The following ZNF827 variants were observed in gnomAD, a reference collection of about 807,000 sequenced individuals.
ZNF827 encodes zinc finger protein 827.
ZNF827 carries 13 observed loss-of-function variants against 102.4 expected under a neutral mutation model. That is an observed-to-expected ratio of 0.13 (90% CI 0.08 to 0.20). The LOEUF is 0.20. ZNF827 is among the 10% of genes least tolerant of loss of function. The probability of loss-of-function intolerance (pLI) is 1.00; values close to 1 mark genes in which losing one functional copy is unlikely to be tolerated. For missense variants in ZNF827, 1,103 were observed against 1,344.4 expected (o/e 0.82, Z 2.81); for synonymous variants, 523 against 536.2 (o/e 0.98, Z 0.34).
intron 5 of ZNF827, among the ~76,000 whole-genome samples, chr4:145,862,535 T>C (rs1202974906): frequency 1.3e-5 from 2 of 152,180 alleles, no homozygotes; most frequent in African/African-American, 2.4e-5. Context: ...TATATATATA[T>C]ATAAAATTGC....
chr4:145,808,307 ACTCC>A (rs1741685589), intron 8 of ZNF827, among the ~76,000 whole-genome samples: 1 of 151,704 alleles, frequency 6.6e-6, no homozygotes, highest in Admixed American at 6.6e-5. Context: ...AGGCTATCCC[ACTCC>A]CTCATTATCC....
At chr4:145,935,044 C>T (rs1754061036) in intron 1 of ZNF827, among the ~76,000 whole-genome samples, 1 of 152,156 alleles carries the variant, frequency 6.6e-6, no homozygotes, top group Non-Finnish European at 1.5e-5. Context: ...CCCTCTCATT[C>T]CTTCAAGATC....
intron 8 of ZNF827, among the ~76,000 whole-genome samples, chr4:145,800,223 T>C (rs1292185683): frequency 2.0e-5 from 3 of 152,224 alleles, no homozygotes; most frequent in Non-Finnish European, 2.9e-5. Flanking sequence ...GTTGTCCAGT[T>C]GTCTTTTATA....
chr4:145,817,730 T>C (rs962386162), intron 8 of ZNF827, among the ~76,000 whole-genome samples: 1 of 152,228 alleles, frequency 6.6e-6, no homozygotes, highest in African/African-American at 2.4e-5. Context: ...ACAGGGGATG[T>C]GCAAGGAGCT....
chr4:145,851,787 G>A (rs1012355761), intron 5 of ZNF827, among the ~76,000 whole-genome samples: 7 of 152,182 alleles, frequency 4.6e-5, no homozygotes, highest in Admixed American at 3.3e-4. Context: ...AGTCAGTCAT[G>A]ATAAAAAAAT....
rs1469263687 is a variant in ZNF827, at chr4:145,769,920, C to T, written c.2861-4182G>A. ...TCATCTTGCTTCCTCAATACAGACA[C>T]TGTTACATTTTAGAGTACTTTTCAT... is the stretch of plus-strand genomic sequence containing the variant. On this transcript the variant is annotated intron_variant, in intron 11 of 14. Transcript: ENST00000508784. Among the ~76,000 whole-genome samples, 5 of 152,204 alleles carry T rather than the reference C, an allele frequency of 3.3e-5. No homozygotes were observed. In the East Asian group the frequency reaches 9.6e-4, roughly 29 times the overall value.
intron 5 of ZNF827, among the ~76,000 whole-genome samples, chr4:145,860,725 T>A (rs766872174): frequency 6.6e-6 from 1 of 152,108 alleles, no homozygotes; most frequent in African/African-American, 2.4e-5. Context: ...GAAAAACGCA[T>A]ACATGGGTGG....
intron 7 of ZNF827, 119 bp from the exon 8 acceptor site, chr4:145,823,644 T>C (rs1743379257): frequency 1.5e-6 from 1 of 677,228 alleles, no homozygotes; most frequent in Non-Finnish European, 2.6e-6. Flanking sequence ...TTTGCAACGG[T>C]GTTTAGTGAA....
At chr4:145,785,949 C>T (rs1425972952) in intron 8 of ZNF827, among the ~76,000 whole-genome samples, 1 of 152,128 alleles carries the variant, frequency 6.6e-6, no homozygotes, top group Non-Finnish European at 1.5e-5. Flanking sequence ...TATTTCCAGG[C>T]ACAGAGATGT....
Position 145,775,801 on chromosome 4 carries a change from G to A in ZNF827, c.2681C>T (p.Pro894Leu). Residue 894 changes from proline (P) to leucine (L), a missense_variant, in exon 10 of 15, where the codon CCT (proline) becomes CTT (leucine). Pro to Leu is a moderately conservative substitution (Grantham distance 98, BLOSUM62 -3). Around this residue, in one of 5 missense-constraint regions of ZNF827, gnomAD observed 242 missense variants for 361.9 expected, o/e 0.67. Coordinates refer to ENST00000508784, the MANE Select transcript of ZNF827 (RefSeq NM_001306215.2). ...ATCTGCAACTCACCTGTAATAATAA[G>A]GATGTTTCTTCCCATCACTGCCTTC... ...TSEGSDGKKH[P>L]YYYSCHVCGF... 1.2e-6 allele frequency: 2 copies of A among 1,614,166 alleles called. No homozygotes were observed. Among genetic ancestry groups the A allele is most frequent in the African/African-American group, 2.7e-5 (2 of 75,028 alleles).
intron 8 of ZNF827, among the ~76,000 whole-genome samples, chr4:145,780,992 C>G (rs1430623134): frequency 5.3e-5 from 8 of 152,094 alleles, no homozygotes; most frequent in African/African-American, 1.9e-4. Flanking sequence ...GTCAGAAGAT[C>G]GAGACCATCC....
Position 145,823,516 on chromosome 4 carries a change from A to G in ZNF827, c.2289T>C (p.Phe763=). The G allele has an allele frequency of 6.2e-7, 1 of 1,613,460 alleles. No homozygotes were observed. Among genetic ancestry groups the G allele is most frequent in the Non-Finnish European group, 8.5e-7 (1 of 1,179,534 alleles). The stretch of plus-strand genomic sequence containing the variant: ...GTGATTGTCTAAATGTGTCTTCTGA[A>G]AAGAAAGGGCTGGGGTGGGGGAGGG... ...NTIRTTTSPF[F]SEDTFRQSPF... Residue 763 remains phenylalanine (F), a synonymous_variant, in exon 8 of 15, where the codon TTT becomes TTC. Coordinates refer to ENST00000508784, the MANE Select transcript of ZNF827 (RefSeq NM_001306215.2).
rs138520333 is a variant in ZNF827, at chr4:145,904,715, CGTGT to C, written c.44-1504_44-1501del. On this transcript the variant is annotated intron_variant, in intron 1 of 14. Coordinates refer to ENST00000508784, the MANE Select transcript of ZNF827 (RefSeq NM_001306215.2). ...GCATGTGTATGAGAGTGTGTATGCA[CGTGT>C]GTGTGTGTGTGCGCGTGTGTGCACA... 5.9e-3 allele frequency among the ~76,000 whole-genome samples: 892 copies of C among 151,728 alleles called. 8 individuals are homozygous for C. The highest frequency in any genetic ancestry group is 0.02 in the African/African-American group (831 of 41,400).
intron 5 of ZNF827, among the ~76,000 whole-genome samples, chr4:145,867,331 T>C (rs1748300906): frequency 6.6e-6 from 1 of 152,220 alleles, no homozygotes; most frequent in African/African-American, 2.4e-5. Flanking sequence ...TCTGCGTTTT[T>C]CCCATAAAAC....
intron 1 of ZNF827, among the ~76,000 whole-genome samples, chr4:145,908,111 A>G (rs1007367771): frequency 6.6e-5 from 10 of 152,220 alleles, no homozygotes; most frequent in African/African-American, 1.9e-4. Context: ...AATTGGACCA[A>G]TATACATCTC....
intron 8 of ZNF827, among the ~76,000 whole-genome samples, chr4:145,792,925 T>C (rs1739913344): frequency 6.6e-6 from 1 of 152,138 alleles, no homozygotes; most frequent in African/African-American, 2.4e-5. Flanking sequence ...TACTCTTGCG[T>C]GGAAATGCAA....
chr4:145,775,312 T>C (rs1736887535), intron 10 of ZNF827, among the ~76,000 whole-genome samples: 1 of 152,152 alleles, frequency 6.6e-6, no homozygotes, highest in African/African-American at 2.4e-5. Flanking sequence ...TGATTCATGA[T>C]TGAATACAGA....
chr4:145,922,093 G>T (rs1753112225), intron 1 of ZNF827, among the ~76,000 whole-genome samples: 1 of 152,190 alleles, frequency 6.6e-6, no homozygotes. Flanking sequence ...GTGAGTTTAG[G>T]ATTCCCCATC....
chr4:145,784,266 G>A (rs998420006), intron 8 of ZNF827, among the ~76,000 whole-genome samples: 2 of 152,208 alleles, frequency 1.3e-5, no homozygotes, highest in Non-Finnish European at 2.9e-5. Flanking sequence ...GCATTTCTCA[G>A]TAGCTGAGTG....
Sources: allele counts gnomAD v4.1 joint callset (sites outside exome capture counted in the v4.1 genomes callset), GRCh38; gene constraint gnomAD v4.1.1; regional missense constraint gnomAD v4.1.1; transcripts MANE v1.5; gene names NCBI Gene and HGNC (gene_info 2026-07-23, HGNC 2026-07-21).